Variants in SDK1 observed in about 807,000 individuals in gnomAD.
SDK1 encodes sidekick cell adhesion molecule 1.
Under a neutral mutation model 245.5 loss-of-function variants are expected in SDK1, and 157 were observed. The observed-to-expected ratio is 0.64, with a 90% CI of 0.56 to 0.73. The LOEUF (loss-of-function observed/expected upper bound fraction) is 0.73. Ranked by LOEUF, SDK1 falls within the 30% of genes least tolerant of loss-of-function variation. The probability of loss-of-function intolerance (pLI) is 0.00; values close to 1 mark genes in which losing one functional copy is unlikely to be tolerated. For synonymous variants in SDK1, 1,647 were observed against 1,278.5 expected (o/e 1.29, Z -6.15); for missense variants, 3,583 against 3,002.3 (o/e 1.19, Z -4.52).
At chr7:3,553,415 CAGA>C (rs1255600590) in intron 1 of SDK1, among the ~76,000 whole-genome samples, 3 of 152,092 alleles carry the variant, frequency 2.0e-5, no homozygotes. Flanking sequence ...ATGCAAGAAA[CAGA>C]AGGAGAACTC....
rs1307069194 is a variant in SDK1, at chr7:3,785,730, T to G, written c.714-35720T>G. On this transcript the variant is annotated intron_variant, in intron 4 of 44. Transcript: ENST00000404826. ...AAAAAAAAATACACTTGCTCATGATTATAAGACTTCTGAGCTCAGATTGTG... is the reference window on the plus strand; with the variant it reads ...AAAAAAAAATACACTTGCTCATGATGATAAGACTTCTGAGCTCAGATTGTG... Among the ~76,000 whole-genome samples the G allele has an allele frequency of 2.6e-5, 4 of 152,168 alleles. No homozygotes were observed. The East Asian group carries it at 5.8e-4, about 22-fold the overall frequency.
At chr7:4,249,227 G>T (rs1347499729) in intron 44 of SDK1, among the ~76,000 whole-genome samples, 1 of 152,220 alleles carries the variant, frequency 6.6e-6, no homozygotes, top group African/African-American at 2.4e-5. Context: ...AGCCGAGACT[G>T]AGAGTTTTTG....
intron 10 of SDK1, among the ~76,000 whole-genome samples, chr7:3,968,356 A>G (rs1782236854): frequency 6.6e-6 from 1 of 152,178 alleles, no homozygotes; most frequent in Non-Finnish European, 1.5e-5. Flanking sequence ...AGCCTTGTTG[A>G]TTCACATGGA....
At chr7:4,259,673 G>GGT (rs1787856804) in intron 44 of SDK1, among the ~76,000 whole-genome samples, 1 of 152,148 alleles carries the variant, frequency 6.6e-6, no homozygotes, top group South Asian at 2.1e-4. Context: ...CTCACCTAGG[G>GGT]GTAAGCTGCC....
At chr7:3,364,816 T>C (rs565468706) in intron 1 of SDK1, among the ~76,000 whole-genome samples, 1 of 152,292 alleles carries the variant, frequency 6.6e-6, no homozygotes, top group Admixed American at 6.5e-5. Context: ...TAGAAAAAAA[T>C]CTTGCTGTGA....
intron 14 of SDK1, among the ~76,000 whole-genome samples, chr7:3,987,968 C>G (rs917443702): frequency 5.6e-4 from 85 of 152,136 alleles, no homozygotes; most frequent in African/African-American, 2.0e-3. Flanking sequence ...ATCGCATGCA[C>G]TCCTGTGATT....
intron 4 of SDK1, among the ~76,000 whole-genome samples, chr7:3,680,448 A>G (rs1401930842): frequency 3.3e-5 from 5 of 152,158 alleles, no homozygotes; most frequent in Non-Finnish European, 7.4e-5. Context: ...AAACTATATG[A>G]TTGTGCACAC....
intron 5 of SDK1, among the ~76,000 whole-genome samples, chr7:3,907,115 C>T (rs1001355517): frequency 6.6e-6 from 1 of 152,050 alleles, no homozygotes; most frequent in Non-Finnish European, 1.5e-5. Flanking sequence ...TATATTCTCT[C>T]TTTTTTTATT....
At chr7:4,101,635 G>C (rs1782555186) in intron 22 of SDK1, among the ~76,000 whole-genome samples, 1 of 152,164 alleles carries the variant, frequency 6.6e-6, no homozygotes, top group African/African-American at 2.4e-5. Context: ...AGAGGACGAT[G>C]GTGTCGTGAC....
intron 4 of SDK1, among the ~76,000 whole-genome samples, chr7:3,780,493 T>C (rs557927341): frequency 2.5e-4 from 38 of 152,260 alleles, no homozygotes; most frequent in African/African-American, 8.2e-4. Context: ...ACCAGTCAAC[T>C]TCATAACCCA....
At chr7:3,638,804 A>T (rs577915595) in intron 2 of SDK1, among the ~76,000 whole-genome samples, 200 bp from the exon 3 acceptor site, 1 of 152,180 alleles carries the variant, frequency 6.6e-6, no homozygotes, top group South Asian at 2.1e-4. Context: ...ATTTAAAAAA[A>T]AAAAGAAATA....
rs779258559 is a variant in SDK1 at position 3,408,046 on chromosome 7, A to AT, written c.298+106173dup. ...GGAGAACGCCATAGTTCATTCTTTCATTTTTTTTTTTGAAGTAGAGTCTTG... is the reference window on the plus strand; with the variant it reads ...GGAGAACGCCATAGTTCATTCTTTCATTTTTTTTTTTTGAAGTAGAGTCTTG... On this transcript the variant is annotated intron_variant, in intron 1 of 44. Coordinates refer to ENST00000404826, the MANE Select transcript of SDK1 (RefSeq NM_152744.4). Among the ~76,000 whole-genome samples the AT allele has an allele frequency of 2.5e-3, 366 of 147,852 alleles. 1 individual carries two copies. The highest frequency in any genetic ancestry group is 7.3e-3 in the African/African-American group (297 of 40,528).
intron 1 of SDK1, among the ~76,000 whole-genome samples, chr7:3,404,992 C>A (rs1779009814): frequency 2.0e-5 from 3 of 152,002 alleles, no homozygotes; most frequent in East Asian, 1.9e-4. Context: ...TGAACAAAAA[C>A]AAGTGAATTT....
chr7:3,337,626 A>G (rs1780237516), intron 1 of SDK1, among the ~76,000 whole-genome samples: 1 of 152,240 alleles, frequency 6.6e-6, no homozygotes, highest in African/African-American at 2.4e-5. Flanking sequence ...AGATACAGGA[A>G]AGCTACTGAA....
At chr7:3,979,832 A>G (rs1488257986) in intron 13 of SDK1, among the ~76,000 whole-genome samples, 2 of 152,154 alleles carry the variant, frequency 1.3e-5, no homozygotes, top group Non-Finnish European at 2.9e-5. Flanking sequence ...CTAAGGCCTT[A>G]TGGATTGATT....
chr7:3,857,858 T>C (rs1294645769), intron 5 of SDK1, among the ~76,000 whole-genome samples: 1 of 152,192 alleles, frequency 6.6e-6, no homozygotes, highest in African/African-American at 2.4e-5. Flanking sequence ...CCATTCACTG[T>C]AGCAAGCAAA....
chr7:3,761,377 A>T lies in SDK1; in HGVS notation c.714-60073A>T, dbSNP rs193083980. The stretch of plus-strand genomic sequence containing the variant: ...TCTTTTCTTGCCTTAACACGGTGAA[A>T]CCCCATCTCTACTAAAAATACAAAA... On this transcript the variant is annotated intron_variant, in intron 4 of 44. Coordinates refer to ENST00000404826, the MANE Select transcript of SDK1 (RefSeq NM_152744.4). 3.5e-3 allele frequency among the ~76,000 whole-genome samples: 520 copies of T among 150,012 alleles called. 3 individuals are homozygous for T. Among genetic ancestry groups the T allele is most frequent in the South Asian group, 0.015 (72 of 4,692 alleles).
At chr7:3,744,578 G>A (rs1019908141) in intron 4 of SDK1, among the ~76,000 whole-genome samples, 10 of 152,130 alleles carry the variant, frequency 6.6e-5, no homozygotes, top group African/African-American at 2.4e-4. Context: ...TTGGGAGGCC[G>A]AGATGGGCAG....
intron 17 of SDK1, among the ~76,000 whole-genome samples, chr7:4,019,773 C>T (rs1035092446): frequency 1.3e-5 from 2 of 152,116 alleles, no homozygotes; most frequent in Non-Finnish European, 2.9e-5. Flanking sequence ...GAGGGCCCAG[C>T]AGACACAGTC....
Sources: gnomAD v4.1 joint callset for allele counts (sites outside exome capture counted in the v4.1 genomes callset) on GRCh38, gnomAD v4.1.1 for gene constraint, MANE v1.5 for transcripts, NCBI Gene and HGNC (gene_info 2026-07-23, HGNC 2026-07-21) for gene names.